Variants in CFAP54 observed in about 807,000 individuals in gnomAD.
CFAP54 encodes cilia- and flagella-associated protein 54.
A neutral mutation model predicts 370.4 loss-of-function variants in CFAP54; 290 were observed. That is an observed-to-expected ratio of 0.78 (90% CI 0.71 to 0.86). The LOEUF (loss-of-function observed/expected upper bound fraction) is 0.86. Ranked by LOEUF, CFAP54 falls within the 40% of genes least tolerant of loss-of-function variation. The pLI, the probability that CFAP54 is intolerant of heterozygous loss-of-function variation, is 0.00. For missense variants in CFAP54, 3,399 were observed against 3,528.7 expected (o/e 0.96, Z 0.93); for synonymous variants, 1,206 against 1,236.5 (o/e 0.98, Z 0.52).
chr12:96,621,641 G>A lies in CFAP54; in HGVS notation c.3691G>A (p.Gly1231Arg), dbSNP rs1956490057. The change falls in exon 27 of 68, where the codon GGG becomes AGG. Residue 1231 changes from glycine to arginine, a missense_variant. Gly to Arg is a moderately radical substitution (Grantham distance 125). Coordinates refer to ENST00000524981, the MANE Select transcript of CFAP54 (RefSeq NM_001306084.2). ...CCTGGCAGTAATGATTATAAATTATGGGAAAAAAATGTTGGACATCACACC... is the reference window on the plus strand; with the variant it reads ...CCTGGCAGTAATGATTATAAATTATAGGAAAAAAATGTTGGACATCACACC... The part of the protein sequence containing the change: ...YDLAVMIINY[G>R]KKMLDITPGC... 4 of 1,520,938 alleles carry A rather than the reference G, an allele frequency of 2.6e-6. No homozygotes were observed. The East Asian group carries it at 9.8e-5, about 37-fold the overall frequency. The allele number at this position is 1,520,938 out of a possible 1,614,324, so 94.2% of individuals were successfully genotyped here. A position where few individuals can be genotyped will look rare whatever the true frequency, so the allele number is the denominator to read the frequency against.
intron 9 of CFAP54, among the ~76,000 whole-genome samples, chr12:96,527,938 G>A (rs1158068163): frequency 1.3e-5 from 2 of 152,174 alleles, no homozygotes; most frequent in Non-Finnish European, 2.9e-5. Context: ...TAATGTATTA[G>A]TAGATTTTTG....
chr12:96,583,654 A>G (rs1016208446), intron 22 of CFAP54, among the ~76,000 whole-genome samples: 14 of 152,148 alleles, frequency 9.2e-5, no homozygotes, highest in Middle Eastern at 3.2e-3. Context: ...TGCCAAACCC[A>G]CTGTATCCCT....
At chr12:96,717,614 G>A (rs917116363) in intron 48 of CFAP54, among the ~76,000 whole-genome samples, 10 of 152,216 alleles carry the variant, frequency 6.6e-5, no homozygotes, top group Non-Finnish European at 1.5e-5. Flanking sequence ...CTTCTCCCCT[G>A]TTCAGAATAA....
intron 43 of CFAP54, among the ~76,000 whole-genome samples, chr12:96,689,959 TGTTC>T (rs1418855646): frequency 6.6e-6 from 1 of 152,192 alleles, no homozygotes; most frequent in African/African-American, 2.4e-5. Context: ...AATTTTCTTA[TGTTC>T]CTTACGCCTC....
At chr12:96,505,384 C>A (rs1328931582) in intron 3 of CFAP54, among the ~76,000 whole-genome samples, 1 of 152,000 alleles carries the variant, frequency 6.6e-6, no homozygotes, top group Admixed American at 6.6e-5. Flanking sequence ...AAGTAGAAAC[C>A]TGTCATTTTG....
intron 32 of CFAP54, among the ~76,000 whole-genome samples, chr12:96,643,007 G>T (rs929464429): frequency 1.3e-5 from 2 of 152,040 alleles, no homozygotes; most frequent in African/African-American, 4.8e-5. Flanking sequence ...CTGAACTATC[G>T]CACTCTCCAT....
At chr12:96,791,106 A>G (rs1006423891) in intron 62 of CFAP54, among the ~76,000 whole-genome samples, 1 of 151,998 alleles carries the variant, frequency 6.6e-6, no homozygotes, top group African/African-American at 2.4e-5. Context: ...AGAGGGACCA[A>G]TTCCCAGCTG....
At chr12:96,612,577 A>G (rs1956370558) in intron 26 of CFAP54, among the ~76,000 whole-genome samples, 4 of 152,250 alleles carry the variant, frequency 2.6e-5, no homozygotes, top group Admixed American at 2.6e-4. Context: ...TGCTCCAATT[A>G]AAAGACACAG....
At chr12:96,614,478 A>G (rs1956394423) in intron 26 of CFAP54, among the ~76,000 whole-genome samples, 1 of 152,198 alleles carries the variant, frequency 6.6e-6, no homozygotes, top group Admixed American at 6.5e-5. Flanking sequence ...CTCTCTCACC[A>G]CACCTATTCA....
intron 62 of CFAP54, 72 bp from the exon 63 acceptor site, chr12:96,792,257 C>T (rs1405289598): frequency 7.0e-6 from 9 of 1,284,024 alleles, no homozygotes; most frequent in Non-Finnish European, 9.3e-6. Context: ...TCAATATAGC[C>T]AAATAATTTG....
chr12:96,867,160 A>T (rs576204248), intron 67 of CFAP54, among the ~76,000 whole-genome samples: 1 of 152,320 alleles, frequency 6.6e-6, no homozygotes, highest in East Asian at 1.9e-4. Context: ...TCTCTTTTTC[A>T]TAGACACATT....
intron 67 of CFAP54, among the ~76,000 whole-genome samples, chr12:96,873,160 T>A (rs7131751): frequency 0.37 from 56,330 of 151,998 alleles, 10,911 homozygotes; most frequent in East Asian, 0.43. Flanking sequence ...AAACATGGTA[T>A]TTCTGGAACA....
At chr12:96,589,866 C>T (rs1956108798) in intron 23 of CFAP54, among the ~76,000 whole-genome samples, 1 of 152,080 alleles carries the variant, frequency 6.6e-6, no homozygotes, top group Non-Finnish European at 1.5e-5. Context: ...CATGCCTCAG[C>T]CTCCCGAGTA....
rs75637720 is a variant in CFAP54, at chr12:96,629,625, A to G, written c.4104-468A>G. Among the ~76,000 whole-genome samples, 1,175 of 151,794 alleles carry G rather than the reference A, an allele frequency of 7.7e-3. 12 individuals are homozygous for G. The highest frequency in any genetic ancestry group is 0.02 in the Middle Eastern group (6 of 294). On this transcript the variant is annotated intron_variant, in intron 30 of 67. Coordinates refer to ENST00000524981, the MANE Select transcript of CFAP54 (RefSeq NM_001306084.2). ...ACCACGCCTGGCCTATACATTGTATAATATATTTTAAAACTTATTTATTCA... is the reference window on the plus strand; with the variant it reads ...ACCACGCCTGGCCTATACATTGTATGATATATTTTAAAACTTATTTATTCA...
intron 66 of CFAP54, among the ~76,000 whole-genome samples, chr12:96,851,815 C>G (rs1959554184): frequency 1.3e-5 from 2 of 151,996 alleles, no homozygotes; most frequent in Non-Finnish European, 2.9e-5. Context: ...GTAAAATCAA[C>G]TAGTCATATG....
intron 66 of CFAP54, among the ~76,000 whole-genome samples, chr12:96,833,452 T>G (rs894701318): frequency 8.5e-5 from 13 of 152,070 alleles, no homozygotes; most frequent in Admixed American, 2.0e-4. Flanking sequence ...ATGAAATAGT[T>G]TCATATTGGT....
At chr12:96,857,927 G>T (rs542145905) in intron 66 of CFAP54, among the ~76,000 whole-genome samples, 3 of 152,036 alleles carry the variant, frequency 2.0e-5, no homozygotes, top group African/African-American at 4.8e-5. Context: ...CAATATACAC[G>T]TCTTTGCTAT....
intron 58 of CFAP54, among the ~76,000 whole-genome samples, chr12:96,760,826 T>C (rs1273638657): frequency 6.6e-6 from 1 of 152,266 alleles, no homozygotes; most frequent in African/African-American, 2.4e-5. Context: ...TGTCTCATTA[T>C]ATGGATATGC....
Position 96,792,443 on chromosome 12 carries a change from T to G in CFAP54, c.8794T>G (p.Cys2932Gly). The change falls in exon 63 of 68, where the codon TGC becomes GGC. Residue 2932 changes from cysteine to glycine, a missense_variant. By Grantham distance (159) the Cys-to-Gly change is radical (BLOSUM62 -3). Coordinates refer to ENST00000524981, the MANE Select transcript of CFAP54 (RefSeq NM_001306084.2). ...AACGCAAGCTTCAAACAAAGAACTT[T>G]GCTTTCAATGGTACATTCCTCCCCT... Reference protein sequence around the residue: ...MVTQASNKELCFQWYIPPLDR... With the variant: ...MVTQASNKELGFQWYIPPLDR... 3 of 1,536,002 alleles carry G rather than the reference T, an allele frequency of 2.0e-6. No individual in the cohort carries two copies. Among genetic ancestry groups the G allele is most frequent in the Non-Finnish European group, 2.6e-6 (3 of 1,146,808 alleles).
Sources: gnomAD v4.1 joint callset for allele counts (sites outside exome capture counted in the v4.1 genomes callset) on GRCh38, gnomAD v4.1.1 for gene constraint, MANE v1.5 for transcripts, NCBI Gene and HGNC (gene_info 2026-07-23, HGNC 2026-07-21) for gene names.